Variants in ABTB3 observed in about 807,000 individuals in gnomAD.
ABTB3 encodes the protein ankyrin repeat- and BTB/POZ domain-containing protein 3.
the ABTB3 span, among the ~76,000 whole-genome samples, chr12:107,471,822 T>G: frequency 6.6e-6 from 1 of 152,156 alleles, no homozygotes; most frequent in African/African-American, 2.4e-5. Flanking sequence ...GTTCAGACTG[T>G]GGGCTCCCTT....
chr12:107,627,852 T>C, the ABTB3 span, among the ~76,000 whole-genome samples: 1 of 152,182 alleles, frequency 6.6e-6, no homozygotes, highest in Non-Finnish European at 1.5e-5. Flanking sequence ...ATCGATGCAA[T>C]TTATTATTTA....
the ABTB3 span, among the ~76,000 whole-genome samples, chr12:107,508,240 T>A: frequency 1.3e-5 from 2 of 151,574 alleles, no homozygotes; most frequent in South Asian, 2.1e-4. Context: ...CTGAAAAAAA[T>A]TGTTTAGTTA....
chr12:107,563,234 A>G, the ABTB3 span, among the ~76,000 whole-genome samples: 2 of 152,212 alleles, frequency 1.3e-5, no homozygotes, highest in African/African-American at 2.4e-5. Context: ...CATTCCCTGG[A>G]GTAAAGTGGG....
the ABTB3 span, among the ~76,000 whole-genome samples, chr12:107,394,908 C>A: frequency 6.6e-6 from 1 of 152,234 alleles, no homozygotes. Context: ...GGCAGCCCTG[C>A]AGTGGCTGCA....
At chr12:107,447,943 T>C in the ABTB3 span, among the ~76,000 whole-genome samples, 1 of 152,088 alleles carries the variant, frequency 6.6e-6, no homozygotes, top group South Asian at 2.1e-4. Context: ...CGGCTCAGGG[T>C]GTTTTACTCT....
chr12:107,423,369 C>T, the ABTB3 span, among the ~76,000 whole-genome samples: 2 of 152,184 alleles, frequency 1.3e-5, no homozygotes, highest in South Asian at 4.1e-4. Flanking sequence ...AGCTGCAGAA[C>T]ACAGTATCTC....
At chr12:107,642,823 T>C in the ABTB3 span, among the ~76,000 whole-genome samples, 60,646 of 151,890 alleles carry the variant, frequency 0.4, 12,770 homozygotes, top group African/African-American at 0.47. Context: ...CTCCTTCTGT[T>C]TGGGGGGAGT....
the ABTB3 span, chr12:107,318,700 T>C: frequency 4.2e-6 from 2 of 481,660 alleles, no homozygotes; most frequent in Non-Finnish European, 7.3e-6. Flanking sequence ...CCTGGCTCGC[T>C]CCCCATTGCG....
chr12:107,493,818 C>T, the ABTB3 span, among the ~76,000 whole-genome samples: 2 of 152,254 alleles, frequency 1.3e-5, no homozygotes, highest in South Asian at 2.1e-4. Flanking sequence ...TACAATACAA[C>T]CAGGAAATGC....
chr12:107,415,478 GT>G, the ABTB3 span, among the ~76,000 whole-genome samples: 1 of 152,076 alleles, frequency 6.6e-6, no homozygotes, highest in African/African-American at 2.4e-5. Context: ...GGAGGCCGAG[GT>G]GGGCGGATCA....
chr12:107,411,217 T>G, the ABTB3 span, among the ~76,000 whole-genome samples: 1 of 152,266 alleles, frequency 6.6e-6, no homozygotes, highest in East Asian at 1.9e-4. Context: ...CGAGAATCAC[T>G]TGAACCCAGG....
the ABTB3 span, among the ~76,000 whole-genome samples, chr12:107,426,355 C>A: frequency 6.6e-6 from 1 of 152,164 alleles, no homozygotes; most frequent in Non-Finnish European, 1.5e-5. Flanking sequence ...CAGAGCCCAG[C>A]CCATTGGGCT....
chr12:107,586,215 T>C, the ABTB3 span, among the ~76,000 whole-genome samples: 1 of 152,136 alleles, frequency 6.6e-6, no homozygotes, highest in Non-Finnish European at 1.5e-5. Flanking sequence ...AAGGGGCTTA[T>C]GGCTTTCCAT....
the ABTB3 span, among the ~76,000 whole-genome samples, chr12:107,625,877 G>C: frequency 6.6e-6 from 1 of 152,200 alleles, no homozygotes; most frequent in Non-Finnish European, 1.5e-5. Context: ...CCTGGCAAGA[G>C]TAGAAGTCTA....
the ABTB3 span, among the ~76,000 whole-genome samples, chr12:107,469,932 C>CTCTCTT: frequency 1.3e-5 from 1 of 79,194 alleles, no homozygotes; most frequent in Admixed American, 1.3e-4. Flanking sequence ...CTCTCTCTCT[C>CTCTCTT]TCTTTCTTTC....
chr12:107,490,535 G>A, the ABTB3 span, among the ~76,000 whole-genome samples: 3 of 152,142 alleles, frequency 2.0e-5, no homozygotes, highest in African/African-American at 7.2e-5. Flanking sequence ...TTTACCAGGT[G>A]AGAGCCAACC....
chr12:107,505,855 C>G, the ABTB3 span, among the ~76,000 whole-genome samples: 10 of 152,294 alleles, frequency 6.6e-5, no homozygotes, highest in African/African-American at 2.4e-4. Context: ...CTGCAAAGGA[C>G]ATGATCTCAT....
the ABTB3 span, among the ~76,000 whole-genome samples, chr12:107,448,612 G>T: frequency 6.6e-6 from 1 of 152,100 alleles, no homozygotes. Flanking sequence ...AGCCAGGACA[G>T]AACCTGTATG....
chr12:107,543,084 C>A, the ABTB3 span, among the ~76,000 whole-genome samples: 39 of 152,170 alleles, frequency 2.6e-4, no homozygotes, highest in Non-Finnish European at 4.1e-4. Flanking sequence ...GCCTGTAATC[C>A]CAGCACTTTG....
Sources: gnomAD v4.1 joint callset for allele counts (sites outside exome capture counted in the v4.1 genomes callset) on GRCh38, gnomAD v4.1.1 for gene constraint, MANE v1.5 for transcripts, NCBI Gene and HGNC (gene_info 2026-07-23, HGNC 2026-07-21) for gene names.